Variants in SMTN observed in about 807,000 individuals in gnomAD.
SMTN encodes the protein smoothelin.
A neutral mutation model predicts 102.0 loss-of-function variants in SMTN; 58 were observed. That is an observed-to-expected ratio of 0.57 (90% confidence interval 0.46 to 0.71). The LOEUF is 0.71. SMTN is among the 30% of genes least tolerant of loss of function. SMTN has a pLI of 0.00. For synonymous variants in SMTN, 478 were observed against 497.9 expected (o/e 0.96, Z 0.53); for missense variants, 1,185 against 1,241.7 (o/e 0.95, Z 0.69).
At chr22:31,084,930 G>A in intron 2 of SMTN, 1 of 1,350,594 alleles carries the variant, frequency 7.4e-7, no homozygotes, top group East Asian at 3.1e-5. Flanking sequence ...TCCCGAGCCG[G>A]GCTCCTCCCC....
intron 2 of SMTN, chr22:31,085,041 G>T (rs1257048071): frequency 6.6e-7 from 1 of 1,514,430 alleles, no homozygotes; most frequent in African/African-American, 1.4e-5. Flanking sequence ...TCCGGCCCCG[G>T]CTCCCGCACA....
chr22:31,081,327 A>G lies in SMTN; in HGVS notation c.-210A>G, dbSNP rs1453159336. 6.6e-6 allele frequency: 1 copy of G among 152,222 alleles called. No homozygotes were observed. Among genetic ancestry groups the G allele is most frequent in the East Asian group, 1.9e-4 (1 of 5,194 alleles). 9.4% of individuals were successfully genotyped at this position (152,222 alleles called of 1,614,324 possible). A position where few individuals can be genotyped will look rare whatever the true frequency, so the allele number is the denominator to read the frequency against. On this transcript the variant is annotated 5_prime_UTR_variant, in exon 1 of 21. Transcript: ENST00000333137. Reference sequence around the variant, plus strand: ...GGACGGGCAGCTCTCCGCAGAATCCAGGGGACGGTTGCTGAGCGGGCCTGG... The same window carrying G: ...GGACGGGCAGCTCTCCGCAGAATCCGGGGGACGGTTGCTGAGCGGGCCTGG...
At chr22:31,081,909 T>C (rs921017098) in intron 1 of SMTN, among the ~76,000 whole-genome samples, 4 of 152,196 alleles carry the variant, frequency 2.6e-5, no homozygotes, top group African/African-American at 9.7e-5. Flanking sequence ...TGAAGAGGTT[T>C]AACCCAGACA....
upstream of SMTN, among the ~76,000 whole-genome samples, chr22:31,079,283 A>C (rs2042203272): frequency 6.6e-6 from 1 of 152,186 alleles, no homozygotes; most frequent in African/African-American, 2.4e-5. Flanking sequence ...TGCAGAGAGG[A>C]AGACAGAGGC....
At chr22:31,071,854 C>T (rs1045096015) in intron 1 of SMTN, among the ~76,000 whole-genome samples, 9 of 151,860 alleles carry the variant, frequency 5.9e-5, no homozygotes, top group Non-Finnish European at 8.8e-5. Context: ...TGCCACCACA[C>T]CCAGCTCATT....
In SMTN at chr22:31,101,069, C is replaced by A; in HGVS notation, c.*20+20C>A. 6.4e-7 allele frequency: 1 copy of A among 1,571,196 alleles called. No individual in the cohort carries two copies. Among genetic ancestry groups the A allele is most frequent in the Admixed American group, 1.8e-5 (1 of 56,300 alleles). ...CCCACGGTGAGAAACGCCGCCTCTA[C>A]CACCTGCCCCGTTTCACCAGAATCT... On this transcript the variant is annotated intron_variant, in intron 20 of 20. Transcript: ENST00000333137.
intron 3 of SMTN, 81 bp from the exon 4 acceptor site, chr22:31,088,432 C>A: frequency 7.9e-7 from 1 of 1,259,202 alleles, no homozygotes. Context: ...TCTGGGTACT[C>A]TGTTCTGGCT....
intron 1 of SMTN, among the ~76,000 whole-genome samples, chr22:31,075,680 T>TA (rs35406100): frequency 0.053 from 7,071 of 133,670 alleles, 197 homozygotes; most frequent in African/African-American, 0.074. Flanking sequence ...GACTCTGTCT[T>TA]AAAAAAAAAA....
At position 31,085,272 on chromosome 22, in the gene SMTN, G is replaced by C. The variant is rs562080307; in HGVS notation, c.51+1963G>C. ...TGTCTTCCTACCTGGCTACCCCTTC[G>C]GCGCCTAGCGCGAGGCAGGGTGGGC... On this transcript the variant is annotated intron_variant, in intron 2 of 20. Transcript: ENST00000333137. 7.3e-6 allele frequency: 11 copies of C among 1,510,694 alleles called. No individual in the cohort carries two copies. The Admixed American group carries it at 1.0e-4, about 14-fold the overall frequency. 93.6% of individuals were successfully genotyped at this position (1,510,694 alleles called of 1,614,324 possible). A position where few individuals can be genotyped will look rare whatever the true frequency, so the allele number is the denominator to read the frequency against.
intron 1 of SMTN, chr22:31,082,713 G>A: frequency 1.5e-6 from 1 of 672,200 alleles, no homozygotes. Flanking sequence ...AGTGGTGGTG[G>A]CAGCAAGAAC....
Position 31,088,978 on chromosome 22 carries a change from G to A in SMTN, c.471+9G>A, listed in dbSNP as rs559126861. The A allele has an allele frequency of 2.8e-5, 45 of 1,609,814 alleles. No individual in the cohort carries two copies. In the East Asian group the frequency reaches 8.9e-4, roughly 32 times the overall value. The stretch of plus-strand genomic sequence containing the variant: ...GGCTGGAACAGTGTGAGGTAAGGAG[G>A]GTGGGAGAGTGGCCCAGTGTCCTGT... On this transcript the variant is annotated intron_variant, in intron 6 of 20. Coordinates refer to ENST00000333137, the MANE Select transcript of SMTN (RefSeq NM_134269.3).
At chr22:31,083,409 G>A (rs2042442650) in intron 2 of SMTN, 100 bp downstream of exon 2, 1 of 1,366,532 alleles carries the variant, frequency 7.3e-7, no homozygotes, top group Non-Finnish European at 9.7e-7. Context: ...AGTGATGGGG[G>A]AAAGGTCAGG....
At chr22:31,087,155 G>A (rs2147625938) in intron 2 of SMTN, 1 of 152,406 alleles carries the variant, frequency 6.6e-6, no homozygotes, top group East Asian at 1.9e-4. Flanking sequence ...CTACATGGTG[G>A]AGGTGTGGGG....
chr22:31,100,651 A>G (rs2044005089), intron 19 of SMTN, among the ~76,000 whole-genome samples: 1 of 151,978 alleles, frequency 6.6e-6, no homozygotes, highest in African/African-American at 2.4e-5. Flanking sequence ...ATTGCACACC[A>G]TTAGTGATGG....
In SMTN at chr22:31,064,118, G is replaced by C. The variant is rs1355039440; in HGVS notation, c.-455G>C. The C allele has an allele frequency of 2.0e-5, 3 of 152,240 alleles. No individual in the cohort carries two copies. The East Asian group carries it at 5.8e-4, about 29-fold the overall frequency. The allele number at this position is 152,240 out of a possible 1,614,324, so 9.4% of individuals were successfully genotyped here. On this transcript the variant is annotated 5_prime_UTR_variant, in exon 1 of 4. Coordinates refer to the SMTN transcript ENST00000422839. ...TCTGGACCAATCAGCTGTGGGGTCT[G>C]TAACAACATGGCAGCTCCCATGAGA...
intron 1 of SMTN, chr22:31,082,122 GA>G: frequency 5.3e-6 from 1 of 188,228 alleles, no homozygotes. Flanking sequence ...TGAAGAGAGG[GA>G]AGGGATGATT....
Position 31,083,225 on chromosome 22 carries a change from C to T in SMTN, c.-34C>T, listed in dbSNP as rs111604723. 1.6e-5 allele frequency: 25 copies of T among 1,595,064 alleles called. No homozygotes were observed. The highest frequency in any genetic ancestry group is 2.1e-5 in the Non-Finnish European group (25 of 1,172,992). ...GTGCCACAGGCACTGGGGATCTCACCAGAAAGGAACCGACGGAGCTAGGGG... is the reference window on the plus strand; with the variant it reads ...GTGCCACAGGCACTGGGGATCTCACTAGAAAGGAACCGACGGAGCTAGGGG... On this transcript the variant is annotated 5_prime_UTR_variant, in exon 2 of 21. Coordinates refer to ENST00000333137, the MANE Select transcript of SMTN (RefSeq NM_134269.3).
chr22:31,096,173 C>T (rs571947605), intron 13 of SMTN: 20 of 169,404 alleles, frequency 1.2e-4, no homozygotes, highest in Non-Finnish European at 1.9e-4. Flanking sequence ...ATGGCCACCC[C>T]AGTCTCTATC....
rs772161553 is a variant in SMTN at position 31,091,023 on chromosome 22, G to A, written c.1000G>A (p.Val334Ile). ...FQRAGSVRDR[V>I]HKFTSDSPMA... The stretch of plus-strand genomic sequence containing the variant: ...GCGGGCTGGCTCTGTGCGGGATCGT[G>A]TCCACAAGTTCACATCTGATTCTCC... Residue 334 changes from valine to isoleucine, a missense_variant, in exon 10 of 21, where the codon GTC (valine) becomes ATC (isoleucine). Physicochemically the swap from Val to Ile is conservative, Grantham distance 29. Coordinates refer to ENST00000333137, the MANE Select transcript of SMTN (RefSeq NM_134269.3). The A allele has an allele frequency of 5.6e-6, 9 of 1,613,910 alleles. No individual in the cohort carries two copies. The East Asian group carries it at 2.0e-4, about 36-fold the overall frequency.
Sources: gnomAD v4.1 joint callset for allele counts (sites outside exome capture counted in the v4.1 genomes callset) on GRCh38, gnomAD v4.1.1 for gene constraint, MANE v1.5 for transcripts, NCBI Gene and HGNC (gene_info 2026-07-23, HGNC 2026-07-21) for gene names.